The following DTD1 variants were observed in gnomAD, a reference collection of about 807,000 sequenced individuals.
The protein encoded by DTD1 is D-aminoacyl-tRNA deacylase 1, also known as D-tyrosyl-tRNA deacylase 1 homolog.
A neutral mutation model predicts 25.6 loss-of-function variants in DTD1; 13 were observed. The ratio of observed to expected loss-of-function variants is 0.51; its 90% CI spans 0.33 to 0.81. The LOEUF is 0.81. Among genes scored for constraint, DTD1 ranks in the 30% least tolerant of loss-of-function variants. DTD1 has a pLI of 0.02. For synonymous variants in DTD1, 110 were observed against 103.6 expected, an observed-to-expected ratio of 1.06 and a Z score of -0.37; for missense variants, 193 against 266.4, an observed-to-expected ratio of 0.72 and a Z score of 1.92.
Position 18,657,811 on chromosome 20 carries a change from G to A in DTD1, c.477+29578G>A, listed in dbSNP as rs183774963. The stretch of plus-strand genomic sequence containing the variant: ...GGAGGTTCAGTTCTTCTCCACGTGG[G>A]CCTCCCCATAGGCCTGCTTGACGTG... On this transcript the variant is annotated intron_variant, in intron 4 of 5. Transcript: ENST00000377452. Among the ~76,000 whole-genome samples, 91 of 152,306 alleles carry A rather than the reference G, an allele frequency of 6.0e-4. 1 individual carries two copies. The highest frequency in any genetic ancestry group is 3.4e-3 in the Middle Eastern group (1 of 294).
intron 4 of DTD1, among the ~76,000 whole-genome samples, chr20:18,664,728 G>A (rs545630675): frequency 2.8e-4 from 43 of 152,322 alleles, no homozygotes; most frequent in Non-Finnish European, 4.7e-4. Context: ...TGGCCAGTTT[G>A]CTTTTTTAAT....
At chr20:18,755,774 G>C (rs1287204478) in intron 5 of DTD1, among the ~76,000 whole-genome samples, 1 of 152,070 alleles carries the variant, frequency 6.6e-6, no homozygotes, top group Non-Finnish European at 1.5e-5. Context: ...ATAATCCTTT[G>C]GGTATATACC....
intron 3 of DTD1, among the ~76,000 whole-genome samples, chr20:18,612,719 C>T (rs550557593): frequency 6.6e-6 from 1 of 151,954 alleles, no homozygotes; most frequent in African/African-American, 2.4e-5. Flanking sequence ...AGTGCATTGG[C>T]GCAATCTGGG....
chr20:18,689,510 G>T (rs2061033332), intron 4 of DTD1, among the ~76,000 whole-genome samples: 1 of 152,082 alleles, frequency 6.6e-6, no homozygotes, highest in Non-Finnish European at 1.5e-5. Flanking sequence ...GCTTTAGTTT[G>T]CCCTTGGATT....
chr20:18,737,163 T>A (rs2061258940), intron 4 of DTD1, among the ~76,000 whole-genome samples: 1 of 152,250 alleles, frequency 6.6e-6, no homozygotes, highest in African/African-American at 2.4e-5. Context: ...TCTGTTCTTC[T>A]GCCTTTGCCT....
chr20:18,723,990 C>T (rs1295279182), intron 4 of DTD1, among the ~76,000 whole-genome samples: 1 of 152,264 alleles, frequency 6.6e-6, no homozygotes, highest in South Asian at 2.1e-4. Context: ...CTAGAGTCAC[C>T]ACCACATTTC....
In DTD1 at chr20:18,628,107, T is replaced by C. The variant is rs1383268275; in HGVS notation, c.371-20T>C. The stretch of plus-strand genomic sequence containing the variant: ...ATCTGGTGTCTCCATCTTTGGTAAC[T>C]GTTTGGATTGCTTTTTCAGATGGCA... On this transcript the variant is annotated intron_variant, in intron 3 of 5. Coordinates refer to ENST00000377452, the MANE Select transcript of DTD1 (RefSeq NM_080820.6). 1.9e-6 allele frequency: 3 copies of C among 1,607,200 alleles called. No individual in the cohort carries two copies. Among genetic ancestry groups the C allele is most frequent in the African/African-American group, 2.7e-5 (2 of 74,766 alleles).
intron 4 of DTD1, among the ~76,000 whole-genome samples, chr20:18,649,483 T>C (rs550238691): frequency 6.6e-6 from 1 of 151,642 alleles, no homozygotes; most frequent in Non-Finnish European, 1.5e-5. Flanking sequence ...GCACTACAGG[T>C]GCCTGCCACC....
intron 4 of DTD1, among the ~76,000 whole-genome samples, chr20:18,661,284 A>G (rs2060908715): frequency 6.6e-6 from 1 of 152,142 alleles, no homozygotes; most frequent in Non-Finnish European, 1.5e-5. Context: ...ACTACAAAAA[A>G]TGATGCTGGG....
intron 1 of DTD1, among the ~76,000 whole-genome samples, chr20:18,590,339 T>C (rs1336956411): frequency 4.6e-5 from 7 of 152,164 alleles, no homozygotes; most frequent in Non-Finnish European, 1.0e-4. Flanking sequence ...GCCACCGCTA[T>C]GTCCAGCTTA....
intron 4 of DTD1, among the ~76,000 whole-genome samples, chr20:18,636,812 C>T (rs1236289638): frequency 1.3e-5 from 2 of 152,160 alleles, no homozygotes; most frequent in African/African-American, 4.8e-5. Flanking sequence ...CTGTTGTGTG[C>T]AGAGATTACA....
intron 4 of DTD1, among the ~76,000 whole-genome samples, chr20:18,672,981 A>C (rs1461060832): frequency 6.6e-6 from 1 of 152,200 alleles, no homozygotes; most frequent in Non-Finnish European, 1.5e-5. Flanking sequence ...GTTCTGCTTC[A>C]TTCTATGCAT....
At chr20:18,633,243 A>G (rs548834043) in intron 4 of DTD1, among the ~76,000 whole-genome samples, 2 of 151,896 alleles carry the variant, frequency 1.3e-5, no homozygotes, top group African/African-American at 2.4e-5. Context: ...CTCCATCCCT[A>G]TGCTTCACCT....
At chr20:18,637,329 C>A (rs960605881) in intron 4 of DTD1, among the ~76,000 whole-genome samples, 1 of 152,164 alleles carries the variant, frequency 6.6e-6, no homozygotes, top group South Asian at 2.1e-4. Flanking sequence ...AATATGGTGC[C>A]TTCTCAACGC....
intron 1 of DTD1, 68 bp from the exon 2 acceptor site, chr20:18,593,663 G>C: frequency 9.0e-7 from 1 of 1,113,848 alleles, no homozygotes; most frequent in South Asian, 1.3e-5. Context: ...TACTCCTATG[G>C]TTACTTAAAA....
chr20:18,625,942 C>G (rs2060755713), intron 3 of DTD1, among the ~76,000 whole-genome samples: 1 of 152,236 alleles, frequency 6.6e-6, no homozygotes, highest in South Asian at 2.1e-4. Context: ...CATGGCCACA[C>G]AGGGCCAGCT....
chr20:18,640,814 A>G (rs1257515419), intron 4 of DTD1, among the ~76,000 whole-genome samples: 1 of 152,024 alleles, frequency 6.6e-6, no homozygotes, highest in Non-Finnish European at 1.5e-5. Flanking sequence ...TATTTTTAGT[A>G]GAGATGAGGT....
intron 3 of DTD1, among the ~76,000 whole-genome samples, chr20:18,627,501 T>A (rs995159967): frequency 2.0e-5 from 3 of 152,238 alleles, no homozygotes; most frequent in Non-Finnish European, 4.4e-5. Flanking sequence ...CCACCCTTGG[T>A]GTTACCAGAC....
intron 4 of DTD1, among the ~76,000 whole-genome samples, chr20:18,637,022 T>C (rs1161461177): frequency 6.6e-6 from 1 of 152,116 alleles, no homozygotes; most frequent in African/African-American, 2.4e-5. Flanking sequence ...TCTAACCAGG[T>C]CTTTGTGTGC....
Sources: gnomAD v4.1 joint callset for allele counts (sites outside exome capture counted in the v4.1 genomes callset) on GRCh38, gnomAD v4.1.1 for gene constraint, MANE v1.5 for transcripts, NCBI Gene and HGNC (gene_info 2026-07-23, HGNC 2026-07-21) for gene names.